Variants in HIVEP3 observed in about 807,000 individuals in gnomAD.
HIVEP3 encodes transcription factor HIVEP3.
HIVEP3 carries 49 observed loss-of-function variants against 152.8 expected under a neutral mutation model. That is an observed-to-expected ratio of 0.32 (90% CI 0.26 to 0.41). The LOEUF is 0.41. HIVEP3 is among the 10% of genes least tolerant of loss of function. The pLI is 1.00. For synonymous variants in HIVEP3, 1,269 were observed against 1,289.0 expected, an observed-to-expected ratio of 0.98 and a Z score of 0.33; for missense variants, 2,790 against 3,103.3, an observed-to-expected ratio of 0.90 and a Z score of 2.40.
chr1:41,934,195 C>A (rs552666274), intron 1 of HIVEP3, among the ~76,000 whole-genome samples: 138 of 152,230 alleles, frequency 9.1e-4, no homozygotes, highest in African/African-American at 3.2e-3. Context: ...TGATGGGGTT[C>A]ATGGAGAAAT....
chr1:41,845,298 G>A (rs1643406101), intron 1 of HIVEP3, among the ~76,000 whole-genome samples: 1 of 152,024 alleles, frequency 6.6e-6, no homozygotes, highest in Non-Finnish European at 1.5e-5. Flanking sequence ...CTACAATAGT[G>A]TCTGACACAT....
At chr1:41,822,951 C>G (rs1642652884) in intron 1 of HIVEP3, among the ~76,000 whole-genome samples, 1 of 152,218 alleles carries the variant, frequency 6.6e-6, no homozygotes, top group African/African-American at 2.4e-5. Flanking sequence ...ACTGAATTGT[C>G]TGCCCCACAA....
chr1:41,562,260 G>T (rs1447224681), intron 5 of HIVEP3, among the ~76,000 whole-genome samples: 1 of 152,200 alleles, frequency 6.6e-6, no homozygotes, highest in East Asian at 1.9e-4. Flanking sequence ...AAAGCCCAAA[G>T]ACTTTCTACA....
chr1:41,893,765 T>C (rs1187129489), intron 1 of HIVEP3, among the ~76,000 whole-genome samples: 1 of 147,630 alleles, frequency 6.8e-6, no homozygotes, highest in Non-Finnish European at 1.5e-5. Flanking sequence ...CATATATACA[T>C]ATTTTTATAT....
Position 41,510,519 on chromosome 1 carries a change from G to A in HIVEP3, c.7153C>T (p.Pro2385Ser). The A allele has an allele frequency of 1.3e-5, 20 of 1,595,362 alleles. No individual in the cohort carries two copies. Among genetic ancestry groups the A allele is most frequent in the Non-Finnish European group, 1.7e-5 (20 of 1,171,426 alleles). Reference protein sequence around the residue: ...EPRTRQDSPKPSGSGEPRAHP... With the variant: ...EPRTRQDSPKSSGSGEPRAHP... Reference sequence around the variant, plus strand: ...GCCCTGGGCTCCCCACTTCCTGAGGGCTTGGGGGAGTCCTGCCTGGTCCTG... The same window carrying A: ...GCCCTGGGCTCCCCACTTCCTGAGGACTTGGGGGAGTCCTGCCTGGTCCTG... Residue 2385 changes from proline to serine, a missense_variant, in exon 9 of 9, where the codon CCC becomes TCC. Transcript: ENST00000372583.
intron 2 of HIVEP3, among the ~76,000 whole-genome samples, chr1:41,697,154 T>G (rs1412912043): frequency 6.6e-6 from 1 of 152,130 alleles, no homozygotes; most frequent in Admixed American, 6.6e-5. Context: ...TTGCCCCACT[T>G]AATTCTGTAG....
upstream of HIVEP3, among the ~76,000 whole-genome samples, chr1:41,923,158 T>C (rs964972588): frequency 6.6e-6 from 1 of 152,242 alleles, no homozygotes; most frequent in Non-Finnish European, 1.5e-5. Flanking sequence ...CTATAATGGT[T>C]ACTACATGGT....
At chr1:41,968,405 T>G (rs1645211290) in intron 1 of HIVEP3, among the ~76,000 whole-genome samples, 1 of 152,206 alleles carries the variant, frequency 6.6e-6, no homozygotes. Context: ...TGGTTCAACT[T>G]GTGCAAATCA....
At chr1:42,001,984 CCCTG>C (rs1645430953) in intron 1 of HIVEP3, among the ~76,000 whole-genome samples, 1 of 152,102 alleles carries the variant, frequency 6.6e-6, no homozygotes, top group Non-Finnish European at 1.5e-5. Flanking sequence ...GCACCAATGC[CCCTG>C]CCTGTAATCA....
At position 41,773,344 on chromosome 1, in the gene HIVEP3, G is replaced by A. The variant is rs1465799848; in HGVS notation, c.-800-72349C>T. Among the ~76,000 whole-genome samples, 3 of 152,184 alleles carry A rather than the reference G, an allele frequency of 2.0e-5. No individual in the cohort carries two copies. In the East Asian group the frequency reaches 5.8e-4, roughly 29 times the overall value. ...TGGGCAAGGCTGCCTTTCCTCATCT[G>A]CAGGAATGTGAATAAAAACATCACA... is the stretch of plus-strand genomic sequence containing the variant. On this transcript the variant is annotated intron_variant, in intron 1 of 8. Coordinates refer to ENST00000372583, the MANE Select transcript of HIVEP3 (RefSeq NM_024503.5).
At chr1:41,638,123 G>A (rs1050318589) in intron 2 of HIVEP3, among the ~76,000 whole-genome samples, 2 of 151,982 alleles carry the variant, frequency 1.3e-5, no homozygotes, top group African/African-American at 4.8e-5. Context: ...TTTGGGTGAC[G>A]GTTGTACTAA....
chr1:41,645,797 C>A (rs945385273), intron 2 of HIVEP3, among the ~76,000 whole-genome samples: 1 of 152,146 alleles, frequency 6.6e-6, no homozygotes, highest in South Asian at 2.1e-4. Flanking sequence ...AGAGAGTGAA[C>A]CTGCCCTGCA....
intron 2 of HIVEP3, among the ~76,000 whole-genome samples, chr1:41,639,972 G>C (rs1306791314): frequency 6.6e-6 from 1 of 152,212 alleles, no homozygotes; most frequent in Non-Finnish European, 1.5e-5. Context: ...TTTAAAAATA[G>C]AGAATGGTGA....
chr1:41,610,724 T>C (rs1419599801), intron 3 of HIVEP3, among the ~76,000 whole-genome samples: 1 of 152,230 alleles, frequency 6.6e-6, no homozygotes, highest in African/African-American at 2.4e-5. Context: ...CAATAAATAC[T>C]TACTGAATTC....
chr1:41,842,760 G>T (rs1049421542), intron 1 of HIVEP3, among the ~76,000 whole-genome samples: 1 of 152,138 alleles, frequency 6.6e-6, no homozygotes, highest in Admixed American at 6.6e-5. Context: ...TTGCTTCTGA[G>T]ATCTGCAAAT....
chr1:41,936,500 A>G (rs1211281188), intron 1 of HIVEP3, among the ~76,000 whole-genome samples: 1 of 152,234 alleles, frequency 6.6e-6, no homozygotes, highest in Admixed American at 6.5e-5. Context: ...AAGTAGTTCC[A>G]TTATGTTTGG....
At chr1:41,718,666 A>G (rs1367893013) in intron 1 of HIVEP3, among the ~76,000 whole-genome samples, 1 of 152,186 alleles carries the variant, frequency 6.6e-6, no homozygotes, top group African/African-American at 2.4e-5. Flanking sequence ...AGAGACAAAC[A>G]TGGTGTGTGT....
intron 1 of HIVEP3, among the ~76,000 whole-genome samples, chr1:41,727,928 T>C (rs1352659339): frequency 2.0e-5 from 3 of 152,200 alleles, no homozygotes; most frequent in Admixed American, 2.0e-4. Flanking sequence ...AATGCCCTCA[T>C]CCAGGGCCTG....
rs367586933 is a variant in HIVEP3, at chr1:41,646,752, T to C, written c.-720-17805A>G. 1.2e-4 allele frequency among the ~76,000 whole-genome samples: 18 copies of C among 152,350 alleles called. 1 individual carries two copies. The highest frequency in any genetic ancestry group is 8.5e-4 in the Admixed American group (13 of 15,306). On this transcript the variant is annotated intron_variant, in intron 2 of 8. Transcript: ENST00000372583. Reference sequence around the variant, plus strand: ...TGTTGTACTGCATACTTTAGTTTTGTAAGGCTTCTGTAACAAATTATCACC... The same window carrying C: ...TGTTGTACTGCATACTTTAGTTTTGCAAGGCTTCTGTAACAAATTATCACC...
Sources: gnomAD v4.1 joint callset for allele counts (sites outside exome capture counted in the v4.1 genomes callset) on GRCh38, gnomAD v4.1.1 for gene constraint, MANE v1.5 for transcripts, NCBI Gene and HGNC (gene_info 2026-07-23, HGNC 2026-07-21) for gene names.